PCDHGA10: variants seen among roughly 807,000 people sequenced by gnomAD.
PCDHGA10 encodes the protein protocadherin gamma-A10.
In PCDHGA10, 42 loss-of-function variants were observed where a neutral mutation model predicts 59.5. That is an observed-to-expected ratio of 0.71 (90% CI 0.55 to 0.91). The LOEUF is 0.91. PCDHGA10 is among the 40% of genes least tolerant of loss of function. PCDHGA10 has a pLI of 0.00. For missense variants in PCDHGA10, 1,111 were observed against 1,198.2 expected, an observed-to-expected ratio of 0.93 and a Z score of 1.07; for synonymous variants, 511 against 517.2, an observed-to-expected ratio of 0.99 and a Z score of 0.16.
intron 2 of PCDHGA10, among the ~76,000 whole-genome samples, chr5:141,499,869 G>A (rs1247615457): frequency 3.3e-5 from 5 of 151,938 alleles, no homozygotes; most frequent in Non-Finnish European, 5.9e-5. Context: ...TGTATTTTCA[G>A]TACAAACAGG....
At chr5:141,453,370 G>A (rs969698165) in intron 1 of PCDHGA10, among the ~76,000 whole-genome samples, 1 of 152,046 alleles carries the variant, frequency 6.6e-6, no homozygotes, top group Non-Finnish European at 1.5e-5. Context: ...CTGGGGTCAA[G>A]TGATCCTCCT....
chr5:141,484,988 G>A (rs1187402042), intron 1 of PCDHGA10: 2 of 604,830 alleles, frequency 3.3e-6, no homozygotes, highest in Admixed American at 3.0e-5. Context: ...CAATCGGGTG[G>A]TGAAAGGCAG....
chr5:141,418,429 A>T (rs765952024), intron 1 of PCDHGA10: 2 of 1,613,854 alleles, frequency 1.2e-6, no homozygotes, highest in African/African-American at 2.7e-5. Context: ...ATGGTGGCAA[A>T]TATCCAGAAT....
chr5:141,435,181 T>C (rs1249878603), intron 1 of PCDHGA10, among the ~76,000 whole-genome samples: 1 of 152,184 alleles, frequency 6.6e-6, no homozygotes, highest in African/African-American at 2.4e-5. Context: ...TTAACTACAC[T>C]TGAGATGGCT....
chr5:141,413,118 G>A lies in PCDHGA10; in HGVS notation c.-58G>A, dbSNP rs999214227. Reference sequence around the variant, plus strand: ...GAAGCCACAGAAAGACAAAGGAACCGGTTGAAACACACAACGTGTCCAGTG... The same window carrying A: ...GAAGCCACAGAAAGACAAAGGAACCAGTTGAAACACACAACGTGTCCAGTG... On this transcript the variant is annotated 5_prime_UTR_variant, in exon 1 of 4. Coordinates refer to ENST00000398610, the MANE Select transcript of PCDHGA10 (RefSeq NM_018913.3). 2.6e-6 allele frequency: 4 copies of A among 1,517,034 alleles called. No individual in the cohort carries two copies. Among genetic ancestry groups the A allele is most frequent in the Admixed American group, 4.3e-5 (2 of 46,982 alleles). 94.0% of individuals were successfully genotyped at this position (1,517,034 alleles called of 1,614,324 possible).
chr5:141,442,232 T>A (rs1303447766), intron 1 of PCDHGA10: 2 of 153,276 alleles, frequency 1.3e-5, no homozygotes, highest in Non-Finnish European at 2.9e-5. Context: ...TTCCTTTTTA[T>A]TCTTCCTGAT....
In PCDHGA10 at chr5:141,432,498, G is replaced by A. The variant is rs766191511; in HGVS notation, c.2436+16887G>A. Reference sequence around the variant, plus strand: ...TCCACTGGCGTGGAGCTGGCTCCCCGCTCCGCAGAGCCCGGCTACCTGGTG... The same window carrying A: ...TCCACTGGCGTGGAGCTGGCTCCCCACTCCGCAGAGCCCGGCTACCTGGTG... On this transcript the variant is annotated intron_variant, in intron 1 of 3. Coordinates refer to ENST00000398610, the MANE Select transcript of PCDHGA10 (RefSeq NM_018913.3). This position sits in a 1 kb window ranked among gnomAD's most constrained non-coding sequence, Gnocchi z 6.0. The A allele has an allele frequency of 1.9e-6, 3 of 1,614,106 alleles. No homozygotes were observed. The highest frequency in any genetic ancestry group is 2.5e-6 in the Non-Finnish European group (3 of 1,180,052).
At chr5:141,499,686 T>C (rs1400567357) in intron 2 of PCDHGA10, among the ~76,000 whole-genome samples, 2 of 149,346 alleles carry the variant, frequency 1.3e-5, no homozygotes, top group East Asian at 2.0e-4. Context: ...CTTTAACAGA[T>C]GACTTTTTTT....
chr5:141,414,223 G>C lies in PCDHGA10; in HGVS notation c.1048G>C (p.Glu350Gln). ...AGAAGATGTAAATGACAACAGTCCA[G>C]AGCTGACCATCACGTCTCTATTTAG... ...TVEDVNDNSP[E>Q]LTITSLFSPV... The change falls in exon 1 of 4, where the codon GAG (glutamate) becomes CAG (glutamine). Residue 350 changes from glutamate to glutamine, a missense_variant. Glu to Gln is a conservative substitution (Grantham distance 29). Coordinates refer to ENST00000398610, the MANE Select transcript of PCDHGA10 (RefSeq NM_018913.3). 6.2e-7 allele frequency: 1 copy of C among 1,613,426 alleles called. No individual in the cohort carries two copies. The highest frequency in any genetic ancestry group is 8.5e-7 in the Non-Finnish European group (1 of 1,179,762).
At chr5:141,505,306 T>C in intron 2 of PCDHGA10, 87 bp from the exon 3 acceptor site, 4 of 1,596,550 alleles carry the variant, frequency 2.5e-6, no homozygotes, top group Non-Finnish European at 3.4e-6. Context: ...GTTAGGGTAC[T>C]AGGTTTGGGA....
At chr5:141,415,729 T>A in intron 1 of PCDHGA10, 118 bp downstream of exon 1, 1 of 1,442,780 alleles carries the variant, frequency 6.9e-7, no homozygotes, top group Non-Finnish European at 9.1e-7. Flanking sequence ...TAGAATTTGA[T>A]GTTTATTAAG....
intron 1 of PCDHGA10, chr5:141,418,063 G>C (rs2015825): frequency 1.9e-6 from 3 of 1,613,754 alleles, no homozygotes; most frequent in Admixed American, 1.7e-5. Flanking sequence ...AGCTGCGAGT[G>C]AGCGCGGAGA....
In PCDHGA10 at chr5:141,499,676, C is replaced by G. The variant is rs534287777; in HGVS notation, c.2495+4811C>G. On this transcript the variant is annotated intron_variant, in intron 2 of 3. Coordinates refer to ENST00000398610, the MANE Select transcript of PCDHGA10 (RefSeq NM_018913.3). Reference sequence around the variant, plus strand: ...ATAATTTCATCTTGGTCTCCACCATCTTTAACAGATGACTTTTTTTTTTTT... The same window carrying G: ...ATAATTTCATCTTGGTCTCCACCATGTTTAACAGATGACTTTTTTTTTTTT... Among the ~76,000 whole-genome samples, 13 of 144,474 alleles carry G rather than the reference C, an allele frequency of 9.0e-5. No homozygotes were observed. In the South Asian group the frequency reaches 2.9e-3, roughly 33 times the overall value. The allele number at this position is 144,474 out of a possible 152,430, so 94.8% of individuals were successfully genotyped here.
chr5:141,485,095 TC>T lies in PCDHGA10; in HGVS notation c.2437-9710del, dbSNP rs1040164730. ...GCGCGGGGAAAGGGAGATAGGTGTCTCCAGCTGCTGTGGCTGTTTGGGGCGG... is the reference window on the plus strand; with the variant it reads ...GCGCGGGGAAAGGGAGATAGGTGTCTCAGCTGCTGTGGCTGTTTGGGGCGG... On this transcript the variant is annotated intron_variant, in intron 1 of 3. Coordinates refer to ENST00000398610, the MANE Select transcript of PCDHGA10 (RefSeq NM_018913.3). This position sits in a 1 kb window ranked among gnomAD's most constrained non-coding sequence, Gnocchi z 5.7. 6.8e-5 allele frequency: 76 copies of T among 1,115,798 alleles called. No homozygotes were observed. Among genetic ancestry groups the T allele is most frequent in the South Asian group, 4.6e-4 (33 of 71,042 alleles). The allele number at this position is 1,115,798 out of a possible 1,614,324, so 69.1% of individuals were successfully genotyped here. A position where few individuals can be genotyped will look rare whatever the true frequency, so the allele number is the denominator to read the frequency against.
chr5:141,467,203 C>T (rs896621746), intron 1 of PCDHGA10, among the ~76,000 whole-genome samples: 1 of 152,052 alleles, frequency 6.6e-6, no homozygotes, highest in African/African-American at 2.4e-5. Flanking sequence ...CAGGCACATG[C>T]CACCATGCCT....
chr5:141,469,314 C>T (rs982242861), intron 1 of PCDHGA10, among the ~76,000 whole-genome samples: 3 of 152,100 alleles, frequency 2.0e-5, no homozygotes, highest in Admixed American at 1.3e-4. Context: ...CGATGGCTCA[C>T]GCCTGTAATC....
chr5:141,431,995 G>A lies in PCDHGA10; in HGVS notation c.2436+16384G>A. 6.2e-7 allele frequency: 1 copy of A among 1,614,048 alleles called. No individual in the cohort carries two copies. Among genetic ancestry groups the A allele is most frequent in the East Asian group, 2.2e-5 (1 of 44,898 alleles). The stretch of plus-strand genomic sequence containing the variant: ...TAGTCACAGACATAGTCTTGGATAG[G>A]GAACAGGTTCCTAGCTACAACATCA... On this transcript the variant is annotated intron_variant, in intron 1 of 3. Coordinates refer to ENST00000398610, the MANE Select transcript of PCDHGA10 (RefSeq NM_018913.3). This position sits in a 1 kb window ranked among gnomAD's most constrained non-coding sequence, Gnocchi z 4.8.
At position 141,487,505 on chromosome 5, in the gene PCDHGA10, G is replaced by GTA; in HGVS notation, c.2437-7302_2437-7301insTA. The GTA allele has an allele frequency of 1.2e-6, 2 of 1,614,200 alleles. No homozygotes were observed. The highest frequency in any genetic ancestry group is 1.7e-6 in the Non-Finnish European group (2 of 1,180,032). ...TCATGGCTGTACACCCTTGGCTTCTGCACCCACTCGGAGTGATAGCTTCAT... is the reference window on the plus strand; with the variant it reads ...TCATGGCTGTACACCCTTGGCTTCTGTACACCCACTCGGAGTGATAGCTTCAT... On this transcript the variant is annotated intron_variant, in intron 1 of 3. Coordinates refer to ENST00000398610, the MANE Select transcript of PCDHGA10 (RefSeq NM_018913.3). This position sits in a 1 kb window ranked among gnomAD's most constrained non-coding sequence, Gnocchi z 5.0.
At position 141,491,682 on chromosome 5, in the gene PCDHGA10, G is replaced by A. The variant is rs11952292; in HGVS notation, c.2437-3125G>A. The A allele has an allele frequency of 1.9e-6, 3 of 1,613,150 alleles. No individual in the cohort carries two copies. Among genetic ancestry groups the A allele is most frequent in the South Asian group, 1.1e-5 (1 of 91,046 alleles). On this transcript the variant is annotated intron_variant, in intron 1 of 3. Coordinates refer to ENST00000398610, the MANE Select transcript of PCDHGA10 (RefSeq NM_018913.3). The surrounding 1 kb of genome is among the most constrained non-coding windows in gnomAD (Gnocchi z 6.9). Reference sequence around the variant, plus strand: ...ACGCCATCCGGTCCCGCTCTAATACGCTGCGGGAGCGGAGCCAGGTGAGGG... The same window carrying A: ...ACGCCATCCGGTCCCGCTCTAATACACTGCGGGAGCGGAGCCAGGTGAGGG...
Sources: gnomAD v4.1 joint callset for allele counts (sites outside exome capture counted in the v4.1 genomes callset) on GRCh38, gnomAD v4.1.1 for gene constraint, Gnocchi (gnomAD v3.1) non-coding constraint, MANE v1.5 for transcripts, NCBI Gene and HGNC (gene_info 2026-07-23, HGNC 2026-07-21) for gene names.